PCSK6: variants seen among roughly 807,000 people sequenced by gnomAD.
The protein encoded by PCSK6 is proprotein convertase subtilisin/kexin type 6, also known as paired basic amino acid cleaving enzyme 4.
PCSK6 carries 85 observed loss-of-function variants against 123.3 expected under a neutral mutation model. The ratio of observed to expected loss-of-function variants is 0.69; its 90% CI spans 0.58 to 0.83. The LOEUF is 0.83. PCSK6 is among the 40% of genes least tolerant of loss of function. The pLI is 0.00. For missense variants in PCSK6, 1,191 were observed against 1,282.3 expected (o/e 0.93, Z 1.09); for synonymous variants, 508 against 516.0 (o/e 0.98, Z 0.21).
At chr15:101,400,621 A>G (rs771332917) in intron 6 of PCSK6, among the ~76,000 whole-genome samples, 20 of 152,340 alleles carry the variant, frequency 1.3e-4, no homozygotes, top group Non-Finnish European at 2.1e-4. Flanking sequence ...AGGGACAAAC[A>G]TTTTACGTGA....
In PCSK6 at chr15:101,479,371, G is replaced by A. The variant is rs931018089; in HGVS notation, c.297+10003C>T. Among the ~76,000 whole-genome samples the A allele has an allele frequency of 5.3e-5, 8 of 152,274 alleles. No homozygotes were observed. In the East Asian group the frequency reaches 1.5e-3, roughly 29 times the overall value. ...GCGTGTGGTAAAAGTGAAGGGTTCT[G>A]GGTGAGCACAGAGCAGTGGGGCTCT... On this transcript the variant is annotated intron_variant, in intron 1 of 21. Coordinates refer to ENST00000611716, the MANE Select transcript of PCSK6 (RefSeq NM_002570.5).
Position 101,326,567 on chromosome 15 carries a change from G to A in PCSK6, c.2078-88C>T, listed in dbSNP as rs796219258. ...CGGATCCCTGTGTCAGGATATCGCA[G>A]CTTGGCAGGGTTGGGAGACGCTCCC... On this transcript the variant is annotated intron_variant, in intron 15 of 21. Coordinates refer to ENST00000611716, the MANE Select transcript of PCSK6 (RefSeq NM_002570.5). 19 of 1,306,004 alleles carry A rather than the reference G, an allele frequency of 1.5e-5. No homozygotes were observed. The African/African-American group carries it at 2.6e-4, about 18-fold the overall frequency. The allele number at this position is 1,306,004 out of a possible 1,614,324, so 80.9% of individuals were successfully genotyped here.
chr15:101,347,903 G>A, intron 13 of PCSK6: 1 of 707,336 alleles, frequency 1.4e-6, no homozygotes. Flanking sequence ...AAGGAGCTGT[G>A]TTTCAAGCTG....
chr15:101,389,631 T>G, intron 8 of PCSK6, 67 bp from the exon 9 acceptor site: 1 of 1,301,448 alleles, frequency 7.7e-7, no homozygotes, highest in Non-Finnish European at 1.1e-6. Flanking sequence ...TGGAGAAGGC[T>G]GGGCTACTTC....
At position 101,324,908 on chromosome 15, in the gene PCSK6, G is replaced by T; in HGVS notation, c.2319C>A (p.His773Gln). 6.2e-7 allele frequency: 1 copy of T among 1,613,634 alleles called. No individual in the cohort carries two copies. The highest frequency in any genetic ancestry group is 8.5e-7 in the Non-Finnish European group (1 of 1,179,886). ...QCLSCRRGFY[H>Q]HQEMNTCVTL... Reference sequence around the variant, plus strand: ...TCACACAGGTGTTCATCTCCTGGTGGTGATAGAACCCGCGGCGGCAAGACA... The same window carrying T: ...TCACACAGGTGTTCATCTCCTGGTGTTGATAGAACCCGCGGCGGCAAGACA... The change falls in exon 17 of 22, where the codon CAC becomes CAA. Residue 773 changes from histidine (H) to glutamine (Q), a missense_variant. Physicochemically the swap from His to Gln is conservative, Grantham distance 24. This residue lies in a region of PCSK6 where 630 missense variants were observed against 631.4 expected (regional missense o/e 1.00). Transcript: ENST00000611716.
chr15:101,331,222 T>G (rs548763830), intron 15 of PCSK6, among the ~76,000 whole-genome samples: 1 of 152,290 alleles, frequency 6.6e-6, no homozygotes, highest in Admixed American at 6.5e-5. Context: ...ACCTTGGCAA[T>G]GGGATGATTG....
intron 9 of PCSK6, among the ~76,000 whole-genome samples, chr15:101,387,840 A>G (rs72770767): frequency 0.16 from 24,061 of 152,326 alleles, 2,339 homozygotes; most frequent in South Asian, 0.21. Context: ...CCCAGGCTAC[A>G]GGTCTGCTCA....
At chr15:101,320,301 G>A (rs2040089340) in intron 18 of PCSK6, among the ~76,000 whole-genome samples, 1 of 152,098 alleles carries the variant, frequency 6.6e-6, no homozygotes. Context: ...GGCCAGGCTG[G>A]TTTCGAACTC....
intron 2 of PCSK6, among the ~76,000 whole-genome samples, chr15:101,436,265 G>A (rs1481951860): frequency 3.3e-5 from 5 of 152,116 alleles, no homozygotes; most frequent in Non-Finnish European, 7.4e-5. Flanking sequence ...AGGCCACGAA[G>A]GGCATACACA....
At chr15:101,415,167 C>T (rs1235881716) in intron 6 of PCSK6, among the ~76,000 whole-genome samples, 2 of 152,212 alleles carry the variant, frequency 1.3e-5, no homozygotes, top group East Asian at 3.8e-4. Context: ...TGGAAACCAG[C>T]ATTCCTTCTC....
chr15:101,485,859 C>T (rs2058007745), intron 1 of PCSK6, among the ~76,000 whole-genome samples: 1 of 151,932 alleles, frequency 6.6e-6, no homozygotes, highest in African/African-American at 2.4e-5. Context: ...CTTGTCACAG[C>T]TTAAACTAGA....
intron 13 of PCSK6, among the ~76,000 whole-genome samples, chr15:101,333,624 CTT>C (rs1451976575): frequency 6.6e-6 from 1 of 152,254 alleles, no homozygotes; most frequent in Non-Finnish European, 1.5e-5. Flanking sequence ...GCCTGTCTGT[CTT>C]TACATACCTG....
At chr15:101,419,946 G>A (rs1251560234) in intron 6 of PCSK6, among the ~76,000 whole-genome samples, 1 of 152,010 alleles carries the variant, frequency 6.6e-6, no homozygotes, top group Non-Finnish European at 1.5e-5. Context: ...CAGTACTTTG[G>A]GCAGCTGAGG....
At chr15:101,452,557 G>A (rs2057062236) in intron 1 of PCSK6, among the ~76,000 whole-genome samples, 1 of 152,206 alleles carries the variant, frequency 6.6e-6, no homozygotes, top group Non-Finnish European at 1.5e-5. Flanking sequence ...TGTGTGTGGG[G>A]TGGGAAGATC....
At chr15:101,455,450 C>T (rs931285247) in intron 1 of PCSK6, among the ~76,000 whole-genome samples, 13 of 152,228 alleles carry the variant, frequency 8.5e-5, no homozygotes, top group African/African-American at 2.2e-4. Flanking sequence ...ATCTCAGGGA[C>T]GGCCAGAGTC....
intron 21 of PCSK6, among the ~76,000 whole-genome samples, chr15:101,306,727 C>T (rs1408912479): frequency 6.6e-6 from 1 of 152,246 alleles, no homozygotes; most frequent in African/African-American, 2.4e-5. Flanking sequence ...CAGGGCTCTC[C>T]TGCAGCACAG....
chr15:101,415,363 G>C (rs2055852101), intron 6 of PCSK6, among the ~76,000 whole-genome samples: 1 of 152,252 alleles, frequency 6.6e-6, no homozygotes, highest in Non-Finnish European at 1.5e-5. Flanking sequence ...AGGAGCAATC[G>C]TAGCCGACTG....
intron 1 of PCSK6, among the ~76,000 whole-genome samples, chr15:101,477,610 G>A (rs538917993): frequency 6.6e-6 from 1 of 152,148 alleles, no homozygotes; most frequent in Admixed American, 6.5e-5. Context: ...TGGTTTTCTT[G>A]TTCTTTTCTG....
Position 101,398,222 on chromosome 15 carries a change from C to G in PCSK6, c.996+182G>C, listed in dbSNP as rs2042473598. 6.6e-6 allele frequency among the ~76,000 whole-genome samples: 1 copy of G among 152,210 alleles called. No individual in the cohort carries two copies. ...CGAGGCAAAAACACTTCTGCTCTCG[C>G]CGGTCAAGAGCCACTTCTCAGACTC... On this transcript the variant is annotated intron_variant, in intron 7 of 21. Coordinates refer to ENST00000611716, the MANE Select transcript of PCSK6 (RefSeq NM_002570.5). The surrounding 1 kb of genome is among the most constrained non-coding windows in gnomAD (Gnocchi z 4.6).
Sources: allele counts gnomAD v4.1 joint callset (sites outside exome capture counted in the v4.1 genomes callset), GRCh38; gene constraint gnomAD v4.1.1; regional missense constraint gnomAD v4.1.1; non-coding constraint Gnocchi (gnomAD v3.1); transcripts MANE v1.5; gene names NCBI Gene and HGNC (gene_info 2026-07-23, HGNC 2026-07-21).